Variants in ANKS1B observed in about 807,000 individuals in gnomAD.
ANKS1B encodes the protein ankyrin repeat and sterile alpha motif domain containing 1B.
Under a neutral mutation model 148.3 loss-of-function variants are expected in ANKS1B, and 36 were observed. That is an observed-to-expected ratio of 0.24 (90% CI 0.19 to 0.32). The LOEUF is 0.32. ANKS1B is among the 10% of genes least tolerant of loss of function. ANKS1B has a pLI of 1.00. For synonymous variants in ANKS1B, 542 were observed against 560.8 expected, an observed-to-expected ratio of 0.97 and a Z score of 0.47; for missense variants, 1,157 against 1,542.6, an observed-to-expected ratio of 0.75 and a Z score of 4.19.
chr12:99,209,841 C>A (rs114832845), intron 14 of ANKS1B, among the ~76,000 whole-genome samples: 1 of 152,088 alleles, frequency 6.6e-6, no homozygotes, highest in Non-Finnish European at 1.5e-5. Flanking sequence ...CATTCCAAAC[C>A]CCTTCCCGGC....
In ANKS1B at chr12:98,948,767, AC is replaced by A. The variant is rs148793376; in HGVS notation, c.2778+104389del. Among the ~76,000 whole-genome samples, 246 of 129,286 alleles carry A rather than the reference AC, an allele frequency of 1.9e-3. 4 individuals carry two copies. The highest frequency in any genetic ancestry group is 8.1e-3 in the Middle Eastern group (2 of 246). 84.8% of individuals were successfully genotyped at this position (129,286 alleles called of 152,430 possible). ...CTCTCTCTGTCTCTCACACACCCAC[AC>A]CCCCCCCCACACACACACATGCTGG... On this transcript the variant is annotated intron_variant, in intron 17 of 26. Transcript: ENST00000683438.
At chr12:99,626,980 T>A (rs1160926872) in intron 9 of ANKS1B, among the ~76,000 whole-genome samples, 1 of 152,158 alleles carries the variant, frequency 6.6e-6, no homozygotes, top group Non-Finnish European at 1.5e-5. Flanking sequence ...AATAAAATAA[T>A]AGACACCACT....
intron 10 of ANKS1B, among the ~76,000 whole-genome samples, chr12:99,454,340 G>T (rs1328748283): frequency 6.6e-6 from 1 of 152,174 alleles, no homozygotes; most frequent in African/African-American, 2.4e-5. Flanking sequence ...AGACCACAAG[G>T]CTATAGTCAC....
chr12:99,450,282 T>G (rs2095710524), intron 10 of ANKS1B, among the ~76,000 whole-genome samples: 1 of 152,122 alleles, frequency 6.6e-6, no homozygotes, highest in Admixed American at 6.6e-5. Flanking sequence ...AACAGTAGGG[T>G]GGATGATTTG....
At chr12:99,211,882 C>T (rs779240911) in intron 14 of ANKS1B, among the ~76,000 whole-genome samples, 6 of 152,136 alleles carry the variant, frequency 3.9e-5, no homozygotes, top group African/African-American at 9.7e-5. Context: ...TCTTTCCTTC[C>T]AGGAAAACCC....
chr12:99,247,971 A>G (rs2074080861), intron 12 of ANKS1B, among the ~76,000 whole-genome samples: 3 of 152,246 alleles, frequency 2.0e-5, no homozygotes, highest in Non-Finnish European at 2.9e-5. Context: ...TTATTACCAT[A>G]AACCCCAAAC....
chr12:99,039,771 TG>T (rs1397748868), intron 17 of ANKS1B, among the ~76,000 whole-genome samples: 1 of 152,264 alleles, frequency 6.6e-6, no homozygotes, highest in African/African-American at 2.4e-5. Context: ...ACATGTGCCA[TG>T]CTGGTGCGCT....
intron 21 of ANKS1B, among the ~76,000 whole-genome samples, chr12:98,799,511 C>A (rs2098981572): frequency 8.5e-6 from 1 of 118,194 alleles, no homozygotes; most frequent in African/African-American, 3.4e-5. Flanking sequence ...ATGGTTGATC[C>A]ACCTGAGAAC....
intron 24 of ANKS1B, among the ~76,000 whole-genome samples, chr12:98,777,981 G>C (rs2098697018): frequency 6.6e-6 from 1 of 152,172 alleles, no homozygotes; most frequent in African/African-American, 2.4e-5. Context: ...TTAGGTTAGG[G>C]AGGTTGAAAA....
chr12:98,878,374 AAAACAAAC>A (rs3051082), intron 17 of ANKS1B, among the ~76,000 whole-genome samples: 29 of 150,418 alleles, frequency 1.9e-4, no homozygotes, highest in Middle Eastern at 3.4e-3. Context: ...ACCCTGTCTC[AAAACAAAC>A]AAACAAACAA....
chr12:99,368,657 T>C (rs1566969278), intron 12 of ANKS1B, among the ~76,000 whole-genome samples: 1 of 152,118 alleles, frequency 6.6e-6, no homozygotes, highest in East Asian at 1.9e-4. Context: ...TTGTCATTTA[T>C]TGTAAAACAC....
intron 8 of ANKS1B, among the ~76,000 whole-genome samples, chr12:99,715,648 CCT>C (rs1233589130): frequency 1.3e-5 from 2 of 152,132 alleles, no homozygotes; most frequent in African/African-American, 4.8e-5. Context: ...AGATCAATCC[CCT>C]GTCCTCCTGC....
At chr12:99,445,147 G>A (rs1181962438) in intron 10 of ANKS1B, among the ~76,000 whole-genome samples, 4 of 152,010 alleles carry the variant, frequency 2.6e-5, no homozygotes, top group African/African-American at 9.7e-5. Flanking sequence ...GTGGTCTTCT[G>A]AGTAGATTAG....
chr12:99,642,921 A>G (rs1201867695), intron 9 of ANKS1B, among the ~76,000 whole-genome samples: 2 of 152,174 alleles, frequency 1.3e-5, no homozygotes, highest in African/African-American at 4.8e-5. Context: ...TAGCAATGTA[A>G]CATCTTCAAA....
intron 17 of ANKS1B, among the ~76,000 whole-genome samples, chr12:99,050,933 G>A (rs1205872335): frequency 6.6e-6 from 1 of 151,310 alleles, no homozygotes; most frequent in Non-Finnish European, 1.5e-5. Context: ...TCCTGATGTT[G>A]TGATCCGCCC....
intron 17 of ANKS1B, among the ~76,000 whole-genome samples, chr12:98,952,522 C>T (rs897877631): frequency 2.6e-5 from 4 of 152,308 alleles, no homozygotes; most frequent in Non-Finnish European, 4.4e-5. Flanking sequence ...AATAAGGACA[C>T]GTCTGTAGGT....
rs540388461 is a variant in ANKS1B, at chr12:98,814,268, A to G, written c.3067-6350T>C. Among the ~76,000 whole-genome samples, 9 of 152,338 alleles carry G rather than the reference A, an allele frequency of 5.9e-5. No homozygotes were observed. In the South Asian group the frequency reaches 1.9e-3, roughly 32 times the overall value. On this transcript the variant is annotated intron_variant, in intron 19 of 26. Transcript: ENST00000683438. ...CACCAAGTTGTTGTGCAGCTTCACG[A>G]GAGAGGAAACTTTTTCACAGCTAAA...
At chr12:99,422,126 A>G (rs1740380572) in intron 11 of ANKS1B, among the ~76,000 whole-genome samples, 1 of 152,180 alleles carries the variant, frequency 6.6e-6, no homozygotes, top group Non-Finnish European at 1.5e-5. Context: ...ATTTCTTTAG[A>G]GCAATGCAAG....
intron 12 of ANKS1B, among the ~76,000 whole-genome samples, chr12:99,393,690 G>A (rs1265910181): frequency 1.3e-5 from 2 of 152,008 alleles, no homozygotes; most frequent in Admixed American, 1.3e-4. Flanking sequence ...AGTTCCTTGT[G>A]CATCCCATTC....
Sources: allele counts gnomAD v4.1 joint callset (sites outside exome capture counted in the v4.1 genomes callset), GRCh38; gene constraint gnomAD v4.1.1; transcripts MANE v1.5; gene names NCBI Gene and HGNC (gene_info 2026-07-23, HGNC 2026-07-21).